ZFAT: variants seen among roughly 807,000 people sequenced by gnomAD.
The protein encoded by ZFAT is zinc finger and AT-hook domain containing.
Under a neutral mutation model 117.7 loss-of-function variants are expected in ZFAT, and 64 were observed. That is an observed-to-expected ratio of 0.54 (90% CI 0.44 to 0.67). ZFAT has a LOEUF of 0.67. ZFAT is among the 30% of genes least tolerant of loss of function. ZFAT has a pLI of 0.00. For synonymous variants in ZFAT, 679 were observed against 615.0 expected (o/e 1.10, Z -1.54); for missense variants, 1,433 against 1,584.5 (o/e 0.90, Z 1.62).
At chr8:134,644,430 A>G (rs1359427639) in intron 2 of ZFAT, among the ~76,000 whole-genome samples, 1 of 151,834 alleles carries the variant, frequency 6.6e-6, no homozygotes, top group African/African-American at 2.4e-5. Flanking sequence ...GCGTGTGCAC[A>G]CACACTCTCA....
chr8:134,521,160 C>G (rs192117429), intron 12 of ZFAT, among the ~76,000 whole-genome samples, 159 bp from the exon 13 acceptor site: 1 of 149,820 alleles, frequency 6.7e-6, no homozygotes, highest in East Asian at 1.9e-4. Context: ...AACACAATAG[C>G]AACAGTATAT....
At chr8:134,706,694 A>AAAAC (rs57700278) in intron 1 of ZFAT, among the ~76,000 whole-genome samples, 2,921 of 152,144 alleles carry the variant, frequency 0.019, 113 homozygotes, top group African/African-American at 0.067. Context: ...CTCCATCTCA[A>AAAAC]AAACAAACAA....
the ZFAT span, among the ~76,000 whole-genome samples, chr8:134,757,617 G>A: frequency 1.3e-5 from 2 of 152,096 alleles, no homozygotes; most frequent in Non-Finnish European, 2.9e-5. Context: ...GTATACTTCC[G>A]GCACTAGAGA....
the ZFAT span, chr8:134,795,941 G>A: frequency 5.9e-5 from 9 of 152,138 alleles, no homozygotes; most frequent in Admixed American, 5.9e-4. Context: ...CCATATTTTG[G>A]GGTATTGATT....
At chr8:134,679,042 A>C (rs1832938511) in intron 1 of ZFAT, among the ~76,000 whole-genome samples, 1 of 152,218 alleles carries the variant, frequency 6.6e-6, no homozygotes, top group African/African-American at 2.4e-5. Flanking sequence ...AGACTTCATG[A>C]CTAAAACACC....
intron 2 of ZFAT, among the ~76,000 whole-genome samples, chr8:134,645,329 C>G (rs1321907746): frequency 6.6e-6 from 1 of 152,084 alleles, no homozygotes; most frequent in Admixed American, 6.5e-5. Context: ...CCTCTACAAG[C>G]CTCAAATTTT....
intron 10 of ZFAT, among the ~76,000 whole-genome samples, chr8:134,568,684 C>A (rs1824656674): frequency 6.6e-6 from 1 of 152,174 alleles, no homozygotes; most frequent in Admixed American, 6.5e-5. Context: ...GAAAAGAAGG[C>A]AGAAGCTAAA....
At position 134,635,370 on chromosome 8, in the gene ZFAT, A is replaced by G. The variant is rs189862003; in HGVS notation, c.448+2091T>C. Among the ~76,000 whole-genome samples the G allele has an allele frequency of 1.1e-3, 169 of 152,350 alleles. 2 individuals are homozygous for G. Among genetic ancestry groups the G allele is most frequent in the African/African-American group, 4.0e-3 (166 of 41,572 alleles). On this transcript the variant is annotated intron_variant, in intron 3 of 15. Coordinates refer to ENST00000377838, the MANE Select transcript of ZFAT (RefSeq NM_020863.4). ...GATTTCTAGCCACAATTGTGCAGAA[A>G]GTCCAGGAGTGTCTCAGAAGGAACC...
chr8:134,804,775 G>C, the ZFAT span: 12 of 479,356 alleles, frequency 2.5e-5, no homozygotes, highest in Non-Finnish European at 5.2e-5. Context: ...TGCAGTAAAA[G>C]AATGCAGCTA....
chr8:134,696,624 A>T, intron 1 of ZFAT: 2 of 985,930 alleles, frequency 2.0e-6, no homozygotes, highest in Non-Finnish European at 2.4e-6. Context: ...TCTCCAATAC[A>T]GCCACAGCCC....
the ZFAT span, among the ~76,000 whole-genome samples, chr8:134,754,204 C>T: frequency 6.6e-6 from 1 of 152,168 alleles, no homozygotes; most frequent in East Asian, 1.9e-4. Context: ...AAACAGAGTC[C>T]TTGTGAATAA....
chr8:134,772,446 G>A, the ZFAT span, among the ~76,000 whole-genome samples: 4 of 152,142 alleles, frequency 2.6e-5, no homozygotes, highest in South Asian at 2.1e-4. Context: ...CACAATATCC[G>A]CTTAAGCCAA....
chr8:134,819,869 AG>A, the ZFAT span, among the ~76,000 whole-genome samples: 45 of 152,126 alleles, frequency 3.0e-4, no homozygotes, highest in African/African-American at 1.0e-3. Context: ...CACGGGGGGA[AG>A]AAAAAAAAAA....
the ZFAT span, among the ~76,000 whole-genome samples, chr8:134,799,196 AT>A: frequency 6.6e-6 from 1 of 152,166 alleles, no homozygotes. Context: ...TTCATTTCAC[AT>A]TTTTATTTAA....
the ZFAT span, among the ~76,000 whole-genome samples, chr8:134,734,844 T>C: frequency 1.3e-5 from 2 of 152,172 alleles, no homozygotes; most frequent in African/African-American, 4.8e-5. Flanking sequence ...AGCTGCTCAG[T>C]CTGAGGGCAT....
At chr8:134,567,610 C>T (rs1433102890) in intron 10 of ZFAT, among the ~76,000 whole-genome samples, 3 of 152,116 alleles carry the variant, frequency 2.0e-5, no homozygotes, top group Admixed American at 6.5e-5. Flanking sequence ...CAACCAATGG[C>T]CCCAACTTCA....
At chr8:134,755,367 C>T in the ZFAT span, among the ~76,000 whole-genome samples, 1 of 142,484 alleles carries the variant, frequency 7.0e-6, no homozygotes, top group South Asian at 2.2e-4. Context: ...GAGCCAAGAT[C>T]GTGTCTCTGC....
chr8:134,593,458 T>C (rs1826678669), intron 7 of ZFAT, among the ~76,000 whole-genome samples: 1 of 150,604 alleles, frequency 6.6e-6, no homozygotes. Context: ...TTAAAAAGAG[T>C]GGTGGTTAAA....
At chr8:134,549,574 C>T (rs1037078103) in intron 11 of ZFAT, among the ~76,000 whole-genome samples, 7 of 152,206 alleles carry the variant, frequency 4.6e-5, no homozygotes, top group Non-Finnish European at 1.0e-4. Flanking sequence ...ATACTGATCA[C>T]TAGGCCCATG....
Sources: gnomAD v4.1 joint callset for allele counts (sites outside exome capture counted in the v4.1 genomes callset) on GRCh38, gnomAD v4.1.1 for gene constraint, MANE v1.5 for transcripts, NCBI Gene and HGNC (gene_info 2026-07-23, HGNC 2026-07-21) for gene names.